PARVB: variants seen among roughly 807,000 people sequenced by gnomAD.
PARVB encodes the protein parvin beta.
Under a neutral mutation model 47.0 loss-of-function variants are expected in PARVB, and 46 were observed. The observed-to-expected ratio is 0.98, with a 90% CI of 0.77 to 1.25. The LOEUF (loss-of-function observed/expected upper bound fraction) is 1.25. Among genes scored for constraint, PARVB ranks in the 50% most tolerant of loss-of-function variants. The probability of loss-of-function intolerance (pLI) is 0.00; values close to 1 mark genes in which losing one functional copy is unlikely to be tolerated. For missense variants in PARVB, 473 were observed against 471.6 expected, an observed-to-expected ratio of 1.00 and a Z score of -0.03; for synonymous variants, 196 against 196.3, an observed-to-expected ratio of 1.00 and a Z score of 0.01.
intron 8 of PARVB, chr22:44,140,354 T>C (rs917398125): frequency 2.7e-5 from 19 of 708,352 alleles, no homozygotes; most frequent in Non-Finnish European, 4.4e-5. Flanking sequence ...GGCTGGGTTG[T>C]GCTAGGAGGA....
intron 1 of PARVB, among the ~76,000 whole-genome samples, chr22:44,066,681 A>G (rs901571986): frequency 3.9e-5 from 6 of 152,040 alleles, no homozygotes; most frequent in Non-Finnish European, 8.8e-5. Context: ...CCGTTTCCTC[A>G]TCTGTTAGAT....
At chr22:44,145,108 G>C (rs1157292064) in intron 8 of PARVB, 1 of 152,390 alleles carries the variant, frequency 6.6e-6, no homozygotes, top group Non-Finnish European at 1.5e-5. Flanking sequence ...GGACGAGCGG[G>C]AGCTGTAAGG....
At chr22:44,026,505 G>C (rs1047227992) in intron 1 of PARVB, 1 of 209,386 alleles carries the variant, frequency 4.8e-6, no homozygotes, top group East Asian at 1.8e-4. Context: ...AGCGGCTTCT[G>C]TGTGGTCTCC....
chr22:44,023,921 C>T (rs934205154), upstream of PARVB, among the ~76,000 whole-genome samples: 1 of 152,256 alleles, frequency 6.6e-6, no homozygotes, highest in African/African-American at 2.4e-5. Flanking sequence ...GGGCCTGGCT[C>T]TTGGCAGAAG....
At chr22:44,127,810 G>A (rs1455828462) in intron 4 of PARVB, among the ~76,000 whole-genome samples, 1 of 113,560 alleles carries the variant, frequency 8.8e-6, no homozygotes, top group South Asian at 3.1e-4. Context: ...TCTTGAGATA[G>A]TGTCTCACTC....
chr22:43,999,751 T>C (rs1411651033), intron 2 of PARVB: 5 of 983,320 alleles, frequency 5.1e-6, no homozygotes, highest in Non-Finnish European at 6.2e-6. Context: ...CCTAGCACTT[T>C]GGGAGGCTGA....
rs140066410 is a variant in PARVB, at chr22:44,049,899, G to A, written c.112+25448G>A. On this transcript the variant is annotated intron_variant, in intron 1 of 12. Transcript: ENST00000338758. This position sits in a 1 kb window ranked among gnomAD's most constrained non-coding sequence, Gnocchi z 4.0. ...GTGGCTCTGGTGGGGAGTGTGTCTC[G>A]ATGTTGTACTGTGAATAAGCCCCAT... Among the ~76,000 whole-genome samples, 26 of 152,290 alleles carry A rather than the reference G, an allele frequency of 1.7e-4. No homozygotes were observed. Among genetic ancestry groups the A allele is most frequent in the Middle Eastern group, 3.4e-3 (1 of 294 alleles).
intron 1 of PARVB, among the ~76,000 whole-genome samples, chr22:44,042,977 G>A (rs1391292697): frequency 1.3e-5 from 2 of 152,196 alleles, no homozygotes; most frequent in Non-Finnish European, 2.9e-5. Context: ...CGCACTCTGT[G>A]GTTGCCGTGG....
intron 3 of PARVB, chr22:44,110,502 C>T (rs1467677200): frequency 3.3e-5 from 5 of 152,162 alleles, no homozygotes; most frequent in East Asian, 1.9e-4. Flanking sequence ...AGGTGTGAAA[C>T]AGTGGAGTGT....
At chr22:44,006,812 G>A (rs181780394) in intron 2 of PARVB, among the ~76,000 whole-genome samples, 18 of 152,252 alleles carry the variant, frequency 1.2e-4, no homozygotes, top group African/African-American at 1.9e-4. Flanking sequence ...CACCTGCCAC[G>A]TGGCAGGATC....
At chr22:44,147,668 C>T (rs2053714847) in intron 8 of PARVB, 193 bp from the exon 9 acceptor site, 1 of 749,454 alleles carries the variant, frequency 1.3e-6, no homozygotes. Flanking sequence ...AGCGCTCTTG[C>T]TCGCCTTGGT....
intron 1 of PARVB, among the ~76,000 whole-genome samples, chr22:44,084,097 AGAT>A (rs1231804698): frequency 1.3e-5 from 2 of 152,206 alleles, no homozygotes; most frequent in Non-Finnish European, 2.9e-5. Context: ...TATAGTGGTA[AGAT>A]GATGGGACGG....
At chr22:44,097,574 G>A (rs892711205) in intron 2 of PARVB, among the ~76,000 whole-genome samples, 1 of 152,200 alleles carries the variant, frequency 6.6e-6, no homozygotes, top group African/African-American at 2.4e-5. Context: ...TCTGAATCAG[G>A]CCCCTGCCCC....
At chr22:44,079,022 C>T (rs563751739) in intron 1 of PARVB, among the ~76,000 whole-genome samples, 6 of 152,304 alleles carry the variant, frequency 3.9e-5, no homozygotes, top group Non-Finnish European at 8.8e-5. Context: ...CCACCGCGCC[C>T]GGCCCCTGTG....
intron 1 of PARVB, among the ~76,000 whole-genome samples, chr22:44,053,672 G>C (rs1178233871): frequency 2.0e-5 from 3 of 152,194 alleles, no homozygotes; most frequent in African/African-American, 7.2e-5. Context: ...ATCCCACAGG[G>C]TGAGGGCTCA....
At chr22:44,024,504 G>A (rs1603424171) in intron 1 of PARVB, 53 bp downstream of exon 1, 5 of 966,512 alleles carry the variant, frequency 5.2e-6, no homozygotes, top group African/African-American at 1.8e-5. Flanking sequence ...GGCGGTGCCC[G>A]CCCTCGGCCC....
At position 44,131,572 on chromosome 22, in the gene PARVB, A is replaced by G. The variant is rs771133287; in HGVS notation, c.462A>G (p.Glu154=). 1 of 1,614,194 alleles carries G rather than the reference A, an allele frequency of 6.2e-7. No individual in the cohort carries two copies. The highest frequency in any genetic ancestry group is 2.2e-5 in the East Asian group (1 of 44,868). The change falls in exon 5 of 13, where the codon GAA becomes GAG. Residue 154 remains glutamate (E), a synonymous_variant. Coordinates refer to ENST00000338758, the MANE Select transcript of PARVB (RefSeq NM_013327.5). Reference sequence around the variant, plus strand: ...AACAGAAGCTGCAGACGGTGCTGGAAGCAGTACATGACCTGCTGCGGCCCC... The same window carrying G: ...AACAGAAGCTGCAGACGGTGCTGGAGGCAGTACATGACCTGCTGCGGCCCC... ...GQKQKLQTVL[E]AVHDLLRPRG...
chr22:44,026,522 G>C (rs888698471), intron 1 of PARVB: 1 of 177,780 alleles, frequency 5.6e-6, no homozygotes, highest in East Asian at 1.9e-4. Context: ...CTCCTGGGAA[G>C]TGGAAGAGTC....
Position 44,134,024 on chromosome 22 carries a change from G to A in PARVB, c.633+1015G>A, listed in dbSNP as rs116414681. 6.1e-3 allele frequency among the ~76,000 whole-genome samples: 926 copies of A among 152,298 alleles called. 10 individuals carry two copies. The highest frequency in any genetic ancestry group is 0.021 in the African/African-American group (868 of 41,556). On this transcript the variant is annotated intron_variant, in intron 6 of 12. Coordinates refer to ENST00000338758, the MANE Select transcript of PARVB (RefSeq NM_013327.5). ...TGCGGCCAGAGTTGAGGTCACGCTC[G>A]GAACCTTGGATGCCTCTGTGTTTAT...
Sources: gnomAD v4.1 joint callset for allele counts (sites outside exome capture counted in the v4.1 genomes callset) on GRCh38, gnomAD v4.1.1 for gene constraint, Gnocchi (gnomAD v3.1) non-coding constraint, MANE v1.5 for transcripts, NCBI Gene and HGNC (gene_info 2026-07-23, HGNC 2026-07-21) for gene names.